Variants in IFT80 observed in about 807,000 individuals in gnomAD.
IFT80 encodes intraflagellar transport 80.
Under a neutral mutation model 107.9 loss-of-function variants are expected in IFT80, and 79 were observed. The observed-to-expected ratio is 0.73, with a 90% CI of 0.61 to 0.88. IFT80 has a LOEUF of 0.88. Among genes scored for constraint, IFT80 ranks in the 40% least tolerant of loss-of-function variants. The pLI, the probability that IFT80 is intolerant of heterozygous loss-of-function variation, is 0.00. For synonymous variants in IFT80, 299 were observed against 300.9 expected, an observed-to-expected ratio of 0.99 and a Z score of 0.07; for missense variants, 797 against 914.2, an observed-to-expected ratio of 0.87 and a Z score of 1.65.
chr3:160,361,595 A>C (rs1440744028), intron 6 of IFT80, among the ~76,000 whole-genome samples: 1 of 152,158 alleles, frequency 6.6e-6, no homozygotes, highest in Admixed American at 6.6e-5. Context: ...ACCACACCAC[A>C]CTTATTCCAA....
At chr3:160,306,699 T>C (rs912204788) in intron 10 of IFT80, among the ~76,000 whole-genome samples, 1 of 152,224 alleles carries the variant, frequency 6.6e-6, no homozygotes, top group Non-Finnish European at 1.5e-5. Context: ...AGATTCTGAT[T>C]AGTAGCAGGT....
chr3:160,309,900 T>C (rs1028044337), intron 9 of IFT80, among the ~76,000 whole-genome samples: 17 of 152,168 alleles, frequency 1.1e-4, no homozygotes, highest in African/African-American at 4.1e-4. Context: ...CAAAATTTTC[T>C]GGTCAGAGAG....
At chr3:160,304,800 T>C (rs1716720136) in intron 10 of IFT80, among the ~76,000 whole-genome samples, 1 of 152,182 alleles carries the variant, frequency 6.6e-6, no homozygotes, top group Admixed American at 6.5e-5. Context: ...GGGATAATGA[T>C]GACTTACATT....
rs541511600 is a variant in IFT80, at chr3:160,390,244, C to T, written c.-46-5598G>A. ...ACCAGTCTGACAAACATGCAGAAAC[C>T]CTGTCTCTACTAAAAATAAAAAATT... On this transcript the variant is annotated intron_variant, in intron 1 of 19. Transcript: ENST00000326448. 1.1e-4 allele frequency among the ~76,000 whole-genome samples: 17 copies of T among 151,804 alleles called. No individual in the cohort carries two copies. In the East Asian group the frequency reaches 2.1e-3, roughly 19 times the overall value.
intron 12 of IFT80, among the ~76,000 whole-genome samples, chr3:160,295,414 G>C (rs918848355): frequency 6.6e-6 from 1 of 152,054 alleles, no homozygotes; most frequent in Non-Finnish European, 1.5e-5. Context: ...AGACCAGCCC[G>C]GGCAACATAG....
rs757502565 is a variant in IFT80, at chr3:160,277,410, TA to T, written c.1994del (p.Ile665AsnfsTer13). 1.9e-6 allele frequency: 3 copies of T among 1,612,716 alleles called. No homozygotes were observed. In the African/African-American group the frequency reaches 4.0e-5, roughly 22 times the overall value. Reference protein sequence around the residue: ...LPSKESKMAHILLFSGNIQEA... With the variant: ...LPSKESKMAHXLLFSGNIQEA... ...CCTGTATGTTCCCACTAAACAGTAG[TA>T]TGTGGGCCATTTTTGATTCTTTAGA... is the stretch of plus-strand genomic sequence containing the variant. On this transcript the variant is annotated frameshift_variant, in exon 18 of 20. Transcript: ENST00000326448. LOFTEE classifies it high-confidence loss of function.
intron 15 of IFT80, 126 bp from the exon 16 acceptor site, chr3:160,279,490 C>A: frequency 1.3e-6 from 1 of 746,118 alleles, no homozygotes; most frequent in South Asian, 1.6e-5. Flanking sequence ...AGGCACACCC[C>A]CAAAGGTTAA....
chr3:160,266,339 T>TC lies in IFT80; in HGVS notation c.2223+2073dup, dbSNP rs11294435. The stretch of plus-strand genomic sequence containing the variant: ...AGTAAGGACTTTCTTTTCTTTCTCC[T>TC]CCCCCCCCCTTCTTTCCTTCCTTCC... On this transcript the variant is annotated intron_variant, in intron 19 of 19. Transcript: ENST00000326448. 1.7e-3 allele frequency among the ~76,000 whole-genome samples: 245 copies of TC among 145,846 alleles called. 2 individuals carry two copies. The highest frequency in any genetic ancestry group is 2.5e-3 in the South Asian group (11 of 4,396).
At chr3:160,259,692 T>A (rs778502195) in intron 19 of IFT80, among the ~76,000 whole-genome samples, 20 of 152,190 alleles carry the variant, frequency 1.3e-4, no homozygotes, top group Non-Finnish European at 2.8e-4. Context: ...TTAAGTTCAT[T>A]AGACTTGTTA....
At position 160,384,514 on chromosome 3, in the gene IFT80, A is replaced by C. The variant is rs748915272; in HGVS notation, c.37+50T>G. ...ATATAAAATAGAGAAACTTTTAACA[A>C]TACTATAATTAAGAAAATCCAATAA... On this transcript the variant is annotated intron_variant, in intron 2 of 19. Coordinates refer to ENST00000326448, the MANE Select transcript of IFT80 (RefSeq NM_020800.3). The C allele has an allele frequency of 2.3e-5, 33 of 1,409,842 alleles. No homozygotes were observed. In the South Asian group the frequency reaches 4.4e-4, roughly 19 times the overall value. 87.3% of individuals were successfully genotyped at this position (1,409,842 alleles called of 1,614,324 possible).
At chr3:160,285,678 G>T in intron 13 of IFT80, 126 bp downstream of exon 13, 1 of 679,708 alleles carries the variant, frequency 1.5e-6, no homozygotes, top group Non-Finnish European at 2.5e-6. Flanking sequence ...AGTCAATGGA[G>T]AATGCACATT....
chr3:160,325,192 A>C (rs932968870), intron 8 of IFT80, among the ~76,000 whole-genome samples: 1 of 152,000 alleles, frequency 6.6e-6, no homozygotes, highest in African/African-American at 2.4e-5. Context: ...TATCGTGAAA[A>C]TGGCCATACT....
chr3:160,268,362 C>T, intron 19 of IFT80, 51 bp downstream of exon 19: 1 of 1,471,364 alleles, frequency 6.8e-7, no homozygotes. Flanking sequence ...ATGAATATGA[C>T]ATATACTTAT....
intron 19 of IFT80, among the ~76,000 whole-genome samples, chr3:160,262,272 T>A (rs960742239): frequency 6.6e-5 from 10 of 152,200 alleles, no homozygotes; most frequent in Admixed American, 6.5e-4. Flanking sequence ...GTGACAAGAC[T>A]GTTTTTAGAG....
chr3:160,384,508 T>G lies in IFT80; in HGVS notation c.37+56A>C. 3 of 1,391,674 alleles carry G rather than the reference T, an allele frequency of 2.2e-6. No homozygotes were observed. The South Asian group carries it at 4.1e-5, about 19-fold the overall frequency. The allele number at this position is 1,391,674 out of a possible 1,614,324, so 86.2% of individuals were successfully genotyped here. On this transcript the variant is annotated intron_variant, in intron 2 of 19. Coordinates refer to ENST00000326448, the MANE Select transcript of IFT80 (RefSeq NM_020800.3). ...ACTAGGATATAAAATAGAGAAACTT[T>G]TAACAATACTATAATTAAGAAAATC... is the stretch of plus-strand genomic sequence containing the variant.
chr3:160,285,881 T>A lies in IFT80; in HGVS notation c.1316-13A>T, dbSNP rs886058132. On this transcript the variant is annotated splice_polypyrimidine_tract_variant and intron_variant, in intron 12 of 19. Coordinates refer to ENST00000326448, the MANE Select transcript of IFT80 (RefSeq NM_020800.3). ...AAGAGGAAGATTACTTGAAAAAAAG[T>A]AGAACATTAATTAATGTGTTATATT... 1.9e-6 allele frequency: 3 copies of A among 1,592,528 alleles called. No homozygotes were observed. Among genetic ancestry groups the A allele is most frequent in the African/African-American group, 1.3e-5 (1 of 74,540 alleles).
chr3:160,357,910 T>C (rs1721209693), intron 6 of IFT80, among the ~76,000 whole-genome samples: 1 of 152,254 alleles, frequency 6.6e-6, no homozygotes. Flanking sequence ...ATGTTATGTA[T>C]TCCAAAAATG....
chr3:160,387,004 T>A (rs933491985), intron 1 of IFT80, among the ~76,000 whole-genome samples: 1 of 152,040 alleles, frequency 6.6e-6, no homozygotes, highest in Non-Finnish European at 1.5e-5. Flanking sequence ...ATGCAATGGA[T>A]GGTATACAAA....
intron 1 of IFT80, among the ~76,000 whole-genome samples, chr3:160,391,973 C>A (rs1713421050): frequency 6.6e-6 from 1 of 152,164 alleles, no homozygotes; most frequent in South Asian, 2.1e-4. Flanking sequence ...ACAGTAGTCC[C>A]AAATGTCTCT....
Sources: gnomAD v4.1 joint callset for allele counts (sites outside exome capture counted in the v4.1 genomes callset) on GRCh38, gnomAD v4.1.1 for gene constraint, MANE v1.5 for transcripts, NCBI Gene and HGNC (gene_info 2026-07-23, HGNC 2026-07-21) for gene names.